UBE3D: variants seen among roughly 807,000 people sequenced by gnomAD.
The protein encoded by UBE3D is ubiquitin protein ligase E3D.
In UBE3D, 48 loss-of-function variants were observed where a neutral mutation model predicts 49.6. The ratio of observed to expected loss-of-function variants is 0.97; its 90% CI spans 0.77 to 1.23. UBE3D has a LOEUF of 1.23. UBE3D is among the 50% of genes most tolerant of loss of function. The pLI is 0.00. For missense variants in UBE3D, 452 were observed against 468.4 expected (o/e 0.96, Z 0.32); for synonymous variants, 189 against 174.2 (o/e 1.08, Z -0.67).
chr6:83,020,870 C>G (rs1308618789), intron 7 of UBE3D, among the ~76,000 whole-genome samples: 2 of 152,162 alleles, frequency 1.3e-5, no homozygotes, highest in African/African-American at 4.8e-5. Flanking sequence ...CCTTGAGCAC[C>G]TGGAACAGTG....
chr6:83,027,434 CAAAAA>C lies in UBE3D; in HGVS notation c.668-3401_668-3397del, dbSNP rs61225462. ...CTGGCGACAGAGCGAGACTCCGTCTCAAAAAAAAAAAAAAAAAAAAAAAAAAAGAA... is the reference window on the plus strand; with the variant it reads ...CTGGCGACAGAGCGAGACTCCGTCTCAAAAAAAAAAAAAAAAAAAAAAGAA... On this transcript the variant is annotated intron_variant, in intron 5 of 9. Coordinates refer to ENST00000369747, the MANE Select transcript of UBE3D (RefSeq NM_198920.3). 8.6e-3 allele frequency among the ~76,000 whole-genome samples: 298 copies of C among 34,628 alleles called. 1 individual carries two copies. The highest frequency in any genetic ancestry group is 0.018 in the African/African-American group (168 of 9,152). 22.7% of individuals were successfully genotyped at this position (34,628 alleles called of 152,430 possible). A position where few individuals can be genotyped will look rare whatever the true frequency, so the allele number is the denominator to read the frequency against.
chr6:83,013,078 T>C (rs112758989), intron 8 of UBE3D, among the ~76,000 whole-genome samples: 6,191 of 152,206 alleles, frequency 0.041, 224 homozygotes, highest in African/African-American at 0.095. Flanking sequence ...TCATGTAACT[T>C]ACTTGTGCCT....
intron 9 of UBE3D, among the ~76,000 whole-genome samples, chr6:82,953,385 C>T (rs1006171514): frequency 6.6e-6 from 1 of 152,198 alleles, no homozygotes; most frequent in African/African-American, 2.4e-5. Flanking sequence ...CTCATTTGTA[C>T]AAAACACCAG....
chr6:82,976,282 G>C (rs1777711631), intron 8 of UBE3D, among the ~76,000 whole-genome samples: 2 of 152,062 alleles, frequency 1.3e-5, no homozygotes, highest in Admixed American at 6.5e-5. Flanking sequence ...GGTCCCATTA[G>C]GTCTTGCAAC....
At position 83,065,684 on chromosome 6, in the gene UBE3D, A is replaced by G. The variant is rs1196220217; in HGVS notation, c.35T>C (p.Leu12Pro). ...GCTCTGCAGCTGTCCCCGCACCTCC[A>G]GAAACACGCGCGTCTCCGCCGCAGA... is the stretch of plus-strand genomic sequence containing the variant. The part of the protein sequence containing the change: ...AASAAETRVF[L>P]EVRGQLQSAL... Residue 12 changes from leucine (L) to proline (P), a missense_variant, in exon 1 of 10, where the codon CTG (leucine) becomes CCG (proline). By Grantham distance (98) the Leu-to-Pro change is moderately conservative (BLOSUM62 -3). Transcript: ENST00000369747. 4 of 1,613,362 alleles carry G rather than the reference A, an allele frequency of 2.5e-6. No individual in the cohort carries two copies. The Admixed American group carries it at 6.7e-5, about 27-fold the overall frequency.
intron 9 of UBE3D, among the ~76,000 whole-genome samples, chr6:82,936,564 C>T (rs1774591326): frequency 6.6e-6 from 1 of 152,012 alleles, no homozygotes. Flanking sequence ...AGCACTGAAA[C>T]ATTATTCTGC....
intron 9 of UBE3D, among the ~76,000 whole-genome samples, chr6:82,911,196 CAA>C (rs1156620624): frequency 1.5e-4 from 6 of 39,330 alleles, no homozygotes; most frequent in East Asian, 2.0e-3. Context: ...AACATTTTGG[CAA>C]AAAAAAAAAA....
chr6:83,005,301 C>T (rs989283521), intron 8 of UBE3D, among the ~76,000 whole-genome samples: 27 of 150,618 alleles, frequency 1.8e-4, no homozygotes, highest in African/African-American at 3.5e-4. Flanking sequence ...TCCATTATGA[C>T]GGCTATTATT....
chr6:82,903,468 T>C lies in UBE3D; in HGVS notation c.1150-10426A>G, dbSNP rs117357194. Among the ~76,000 whole-genome samples, 1,457 of 152,236 alleles carry C rather than the reference T, an allele frequency of 9.6e-3. 10 individuals are homozygous for C. Among genetic ancestry groups the C allele is most frequent in the South Asian group, 0.018 (88 of 4,824 alleles). ...ATAGATGACATATTGGCCTGAAATCTTGGGAAGGAATTTTTAAGTTTAGAA... is the reference window on the plus strand; with the variant it reads ...ATAGATGACATATTGGCCTGAAATCCTGGGAAGGAATTTTTAAGTTTAGAA... On this transcript the variant is annotated intron_variant, in intron 9 of 9. Transcript: ENST00000369747.
intron 8 of UBE3D, among the ~76,000 whole-genome samples, chr6:83,005,941 T>A (rs1248332141): frequency 1.3e-5 from 2 of 152,092 alleles, no homozygotes; most frequent in Non-Finnish European, 2.9e-5. Flanking sequence ...GTAGTCAATG[T>A]TGGCCAGGCA....
chr6:83,003,581 G>A (rs189246969), intron 8 of UBE3D, among the ~76,000 whole-genome samples: 5 of 152,276 alleles, frequency 3.3e-5, no homozygotes, highest in Admixed American at 3.3e-4. Flanking sequence ...TTGTCTTTGT[G>A]TGAACATCAT....
chr6:82,957,259 T>C (rs1418500148), intron 9 of UBE3D, 53 bp downstream of exon 9: 6 of 1,585,278 alleles, frequency 3.8e-6, no homozygotes, highest in East Asian at 2.2e-5. Context: ...CCTTAAAAAA[T>C]AATTCCAAGT....
intron 8 of UBE3D, among the ~76,000 whole-genome samples, chr6:82,996,402 T>G (rs1241043404): frequency 6.6e-6 from 1 of 152,138 alleles, no homozygotes; most frequent in East Asian, 1.9e-4. Flanking sequence ...TAAATATACA[T>G]GAGTCCTTAA....
At chr6:83,052,081 C>G (rs574116517) in intron 3 of UBE3D, among the ~76,000 whole-genome samples, 2 of 152,310 alleles carry the variant, frequency 1.3e-5, no homozygotes, top group Admixed American at 1.3e-4. Context: ...TGAATGCTTG[C>G]CACGTGCCAG....
At chr6:82,893,070 C>A (rs546541732) in intron 9 of UBE3D, 28 bp from the exon 10 acceptor site, 2 of 1,612,694 alleles carry the variant, frequency 1.2e-6, no homozygotes, top group East Asian at 4.5e-5. Flanking sequence ...ACCCACAATG[C>A]TTTACTTCTA....
intron 8 of UBE3D, among the ~76,000 whole-genome samples, chr6:82,973,725 G>A (rs543153741): frequency 1.3e-5 from 2 of 152,240 alleles, no homozygotes; most frequent in Non-Finnish European, 2.9e-5. Flanking sequence ...TCCCTGTACA[G>A]CAGAGGTCCC....
intron 8 of UBE3D, among the ~76,000 whole-genome samples, chr6:82,995,720 C>T (rs751092188): frequency 3.9e-5 from 6 of 151,998 alleles, no homozygotes; most frequent in South Asian, 2.1e-4. Context: ...GAAAAACAAA[C>T]GCGTCAACTA....
chr6:83,023,885 T>C lies in UBE3D; in HGVS notation c.737+84A>G, dbSNP rs1781271855. ...AAAACCTATTAAAATAAAAAATAAA[T>C]TCAAAACCAAAAAATAAAAAATAAA... On this transcript the variant is annotated intron_variant, in intron 6 of 9. Transcript: ENST00000369747. 7 of 921,448 alleles carry C rather than the reference T, an allele frequency of 7.6e-6. No homozygotes were observed. The Admixed American group carries it at 9.2e-5, about 12-fold the overall frequency. 57.1% of individuals were successfully genotyped at this position (921,448 alleles called of 1,614,324 possible). A position where few individuals can be genotyped will look rare whatever the true frequency, so the allele number is the denominator to read the frequency against.
At chr6:83,026,612 G>A (rs1781479326) in intron 5 of UBE3D, among the ~76,000 whole-genome samples, 1 of 152,082 alleles carries the variant, frequency 6.6e-6, no homozygotes, top group African/African-American at 2.4e-5. Context: ...CATTGAAGAT[G>A]TGTCAATATT....
Sources: gnomAD v4.1 joint callset for allele counts (sites outside exome capture counted in the v4.1 genomes callset) on GRCh38, gnomAD v4.1.1 for gene constraint, MANE v1.5 for transcripts, NCBI Gene and HGNC (gene_info 2026-07-23, HGNC 2026-07-21) for gene names.